SH3PXD2B: variants seen among roughly 807,000 people sequenced by gnomAD.
SH3PXD2B encodes the protein SH3 and PX domain-containing protein 2B.
A neutral mutation model predicts 73.1 loss-of-function variants in SH3PXD2B; 37 were observed. That is an observed-to-expected ratio of 0.51 (90% CI 0.39 to 0.67). SH3PXD2B has a LOEUF of 0.67. Among genes scored for constraint, SH3PXD2B ranks in the 30% least tolerant of loss-of-function variants. The pLI is 0.00. For missense variants in SH3PXD2B, 1,053 were observed against 1,197.8 expected (o/e 0.88, Z 1.78); for synonymous variants, 457 against 480.5 (o/e 0.95, Z 0.64).
downstream of SH3PXD2B, among the ~76,000 whole-genome samples, chr5:172,329,047 G>GTA (rs1309569739): frequency 0.024 from 1,756 of 72,960 alleles, 19 homozygotes; most frequent in African/African-American, 0.033. Flanking sequence ...ATATATGTAT[G>GTA]TGTGTGTGTG....
rs774699829 is a variant in SH3PXD2B, at chr5:172,418,652, G to A, written c.156+3764C>T. ...CAGCTTTCCCTGCTGGGGTGTGTGT[G>A]GGGGAGGAGGCGGCCGGTTCCACGA... On this transcript the variant is annotated intron_variant, in intron 2 of 12. Transcript: ENST00000311601. Among the ~76,000 whole-genome samples the A allele has an allele frequency of 2.6e-5, 4 of 152,196 alleles. No homozygotes were observed. In the South Asian group the frequency reaches 8.3e-4, roughly 31 times the overall value.
intron 5 of SH3PXD2B, 99 bp from the exon 6 acceptor site, chr5:172,373,914 C>G (rs138055692): frequency 6.1e-6 from 8 of 1,308,804 alleles, no homozygotes; most frequent in Admixed American, 1.8e-5. Context: ...CTCCACCCCC[C>G]ACAACATCAT....
intron 1 of SH3PXD2B, among the ~76,000 whole-genome samples, chr5:172,448,186 G>A (rs577264540): frequency 2.0e-4 from 30 of 152,286 alleles, no homozygotes; most frequent in Non-Finnish European, 4.0e-4. Context: ...GCAGCAGCAT[G>A]GGCCCAGCCT....
intron 1 of SH3PXD2B, among the ~76,000 whole-genome samples, chr5:172,434,797 T>TTTTTGTTTTTTTG (rs1759333959): frequency 6.7e-6 from 1 of 149,566 alleles, no homozygotes; most frequent in African/African-American, 2.6e-5. Flanking sequence ...TTTTTTTTTT[T>TTTTTGTTTTTTTG]TTTTCAGACA....
chr5:172,434,699 G>A (rs1001956413), intron 1 of SH3PXD2B, among the ~76,000 whole-genome samples: 2 of 152,060 alleles, frequency 1.3e-5, no homozygotes, highest in Non-Finnish European at 1.5e-5. Context: ...TTCCTGGCTG[G>A]CATTAATTAC....
chr5:172,437,711 G>T (rs1759426865), intron 1 of SH3PXD2B, among the ~76,000 whole-genome samples: 1 of 152,222 alleles, frequency 6.6e-6, no homozygotes, highest in East Asian at 1.9e-4. Context: ...TGAATGCTTG[G>T]ATTAGGGCCA....
intron 5 of SH3PXD2B, among the ~76,000 whole-genome samples, chr5:172,376,691 C>A (rs1295069258): frequency 1.3e-5 from 2 of 152,306 alleles, no homozygotes; most frequent in East Asian, 3.9e-4. Context: ...TCACAGCGCC[C>A]ATGCAGAGAA....
chr5:172,394,950 T>G lies in SH3PXD2B; in HGVS notation c.233-311A>C, dbSNP rs1035962826. Among the ~76,000 whole-genome samples, 4 of 152,238 alleles carry G rather than the reference T, an allele frequency of 2.6e-5. No homozygotes were observed. The South Asian group carries it at 8.3e-4, about 32-fold the overall frequency. ...GCTCCTACCTGATGAAGAAAGAAGG[T>G]TGGACCCGAGCATGTGAGGTCCTGT... On this transcript the variant is annotated intron_variant, in intron 3 of 12. Coordinates refer to ENST00000311601, the MANE Select transcript of SH3PXD2B (RefSeq NM_001017995.3).
At chr5:172,440,462 G>A (rs773966659) in intron 1 of SH3PXD2B, among the ~76,000 whole-genome samples, 3 of 152,188 alleles carry the variant, frequency 2.0e-5, no homozygotes, top group Non-Finnish European at 4.4e-5. Flanking sequence ...TGCATTTAAC[G>A]AGCGGGCAGG....
chr5:172,338,453 ACTG>A lies in SH3PXD2B; in HGVS notation c.2649_2651del (p.Ser884del). Reference sequence around the variant, plus strand: ...TCAGGACCTGGCAGAACCACCAGCCACTGCTGTTCTTCTCCCGGACTTCAAACA... The same window carrying A: ...TCAGGACCTGGCAGAACCACCAGCCACTGTTCTTCTCCCGGACTTCAAACA... On this transcript the variant is annotated inframe_deletion, in exon 13 of 13. Coordinates refer to ENST00000311601, the MANE Select transcript of SH3PXD2B (RefSeq NM_001017995.3). The surrounding 1 kb of genome is among the most constrained non-coding windows in gnomAD (Gnocchi z 5.1). 1.2e-6 allele frequency: 2 copies of A among 1,614,154 alleles called. No individual in the cohort carries two copies. The highest frequency in any genetic ancestry group is 1.7e-6 in the Non-Finnish European group (2 of 1,180,022).
At chr5:172,441,421 G>T (rs1171012652) in intron 1 of SH3PXD2B, among the ~76,000 whole-genome samples, 3 of 152,344 alleles carry the variant, frequency 2.0e-5, no homozygotes, top group Non-Finnish European at 4.4e-5. Flanking sequence ...GGACGTCAGT[G>T]GCCGTTGCCT....
At chr5:172,368,568 AATATGTTAT>A (rs1757605918) in intron 6 of SH3PXD2B, among the ~76,000 whole-genome samples, 2 of 19,162 alleles carry the variant, frequency 1.0e-4, no homozygotes, top group Non-Finnish European at 1.4e-4. Flanking sequence ...ATATATATAA[AATATGTTAT>A]ATATATATAT....
chr5:172,439,259 A>AC (rs1052429137), intron 1 of SH3PXD2B, among the ~76,000 whole-genome samples: 1 of 73,194 alleles, frequency 1.4e-5, no homozygotes, highest in African/African-American at 5.3e-5. Flanking sequence ...AAGAAAAAAA[A>AC]AAAACAAAAA....
downstream of SH3PXD2B, among the ~76,000 whole-genome samples, chr5:172,328,567 T>A (rs1756488822): frequency 6.6e-6 from 1 of 152,138 alleles, no homozygotes; most frequent in African/African-American, 2.4e-5. Context: ...CAGAATTAAC[T>A]GAGAGAGTGG....
chr5:172,405,552 A>T (rs1758534070), intron 3 of SH3PXD2B, among the ~76,000 whole-genome samples: 2 of 152,204 alleles, frequency 1.3e-5, no homozygotes, highest in Non-Finnish European at 2.9e-5. Flanking sequence ...GCCAGCACGG[A>T]AACAGATCTT....
chr5:172,412,419 T>G (rs548869538), intron 2 of SH3PXD2B, among the ~76,000 whole-genome samples: 2 of 152,226 alleles, frequency 1.3e-5, no homozygotes, highest in Non-Finnish European at 2.9e-5. Flanking sequence ...AATACCCTCA[T>G]GTGACGAGCA....
chr5:172,420,580 T>C (rs1239605467), intron 2 of SH3PXD2B, among the ~76,000 whole-genome samples: 1 of 152,248 alleles, frequency 6.6e-6, no homozygotes, highest in Non-Finnish European at 1.5e-5. Context: ...GGCAGTCTTC[T>C]GACGGCCAGG....
chr5:172,439,684 A>G (rs62387191), intron 1 of SH3PXD2B, among the ~76,000 whole-genome samples: 17,490 of 102,010 alleles, frequency 0.17, 1,177 homozygotes, highest in Non-Finnish European at 0.2. Flanking sequence ...GCGTGCGCGC[A>G]CGCGCGCGCA....
At chr5:172,330,394 G>A (rs1315452712), downstream of SH3PXD2B, among the ~76,000 whole-genome samples, 6 of 152,138 alleles carry the variant, frequency 3.9e-5, no homozygotes, top group Non-Finnish European at 8.8e-5. Flanking sequence ...AGAATGCAAG[G>A]CAGAGCTGAA....
Sources: allele counts gnomAD v4.1 joint callset (sites outside exome capture counted in the v4.1 genomes callset), GRCh38; gene constraint gnomAD v4.1.1; non-coding constraint Gnocchi (gnomAD v3.1); transcripts MANE v1.5; gene names NCBI Gene and HGNC (gene_info 2026-07-23, HGNC 2026-07-21).